Variants in MYO5B observed in about 807,000 individuals in gnomAD.
MYO5B encodes the protein unconventional myosin-Vb.
A neutral mutation model predicts 229.3 loss-of-function variants in MYO5B; 143 were observed. That is an observed-to-expected ratio of 0.62 (90% confidence interval 0.54 to 0.72). The LOEUF (loss-of-function observed/expected upper bound fraction) is 0.72. Among genes scored for constraint, MYO5B ranks in the 30% least tolerant of loss-of-function variants. The probability of loss-of-function intolerance (pLI) is 0.00; values close to 1 mark genes in which losing one functional copy is unlikely to be tolerated. For synonymous variants in MYO5B, 918 were observed against 885.2 expected (o/e 1.04, Z -0.66); for missense variants, 2,321 against 2,331.0 (o/e 1.00, Z 0.09).
intron 4 of MYO5B, among the ~76,000 whole-genome samples, chr18:50,007,657 C>T (rs1192773269): frequency 1.3e-5 from 2 of 152,204 alleles, no homozygotes; most frequent in Non-Finnish European, 2.9e-5. Flanking sequence ...TTTATTCTCT[C>T]CCACGTTGCA....
chr18:49,860,258 G>A (rs897672579), intron 29 of MYO5B, among the ~76,000 whole-genome samples: 6 of 152,168 alleles, frequency 3.9e-5, no homozygotes, highest in South Asian at 2.1e-4. Flanking sequence ...GACTTTAAGT[G>A]CTCACCCCGA....
chr18:49,950,617 C>A (rs16951294), intron 14 of MYO5B, among the ~76,000 whole-genome samples: 1 of 152,074 alleles, frequency 6.6e-6, no homozygotes, highest in Admixed American at 6.5e-5. Flanking sequence ...CAGAGGACTA[C>A]GTGTCTATAA....
intron 32 of MYO5B, among the ~76,000 whole-genome samples, chr18:49,848,163 A>C (rs1400406659): frequency 6.6e-6 from 1 of 152,248 alleles, no homozygotes; most frequent in Non-Finnish European, 1.5e-5. Flanking sequence ...AGTCGAACTA[A>C]GGAGACACAT....
At chr18:49,977,883 A>T (rs181690963) in intron 9 of MYO5B, among the ~76,000 whole-genome samples, 49 of 152,322 alleles carry the variant, frequency 3.2e-4, no homozygotes, top group Admixed American at 3.0e-3. Context: ...GCCCTGAGGC[A>T]GGTGGTTATC....
chr18:49,950,402 A>C (rs889129978), intron 14 of MYO5B, among the ~76,000 whole-genome samples: 5 of 152,190 alleles, frequency 3.3e-5, no homozygotes, highest in African/African-American at 1.2e-4. Context: ...TGATGTGCAT[A>C]CTCTTTGAAC....
chr18:49,900,921 C>A (rs1308780430), intron 21 of MYO5B, among the ~76,000 whole-genome samples: 1 of 152,190 alleles, frequency 6.6e-6, no homozygotes, highest in African/African-American at 2.4e-5. Context: ...GCAATGCCCC[C>A]ATTATGGCTG....
intron 1 of MYO5B, among the ~76,000 whole-genome samples, chr18:50,151,210 A>T (rs1225944939): frequency 1.3e-5 from 2 of 152,200 alleles, no homozygotes; most frequent in Non-Finnish European, 2.9e-5. Flanking sequence ...GTTCTGAAAA[A>T]TACATGTACC....
At chr18:49,854,625 GA>G (rs1393679211) in intron 30 of MYO5B, among the ~76,000 whole-genome samples, 2 of 152,142 alleles carry the variant, frequency 1.3e-5, no homozygotes, top group East Asian at 3.8e-4. Context: ...TGGTTACATG[GA>G]AAAAATCCAC....
intron 3 of MYO5B, among the ~76,000 whole-genome samples, chr18:50,039,052 T>C (rs940483356): frequency 3.3e-5 from 5 of 152,118 alleles, no homozygotes; most frequent in Non-Finnish European, 7.4e-5. Flanking sequence ...AAGTGGAATA[T>C]AAAAGTGAAA....
At position 49,963,018 on chromosome 18, in the gene MYO5B, A is replaced by T; in HGVS notation, c.1335T>A (p.Phe445Leu). 6.2e-7 allele frequency: 1 copy of T among 1,613,920 alleles called. No individual in the cohort carries two copies. The highest frequency in any genetic ancestry group is 8.5e-7 in the Non-Finnish European group (1 of 1,179,778). ...AGAACTGCTCAAAGCTGTTTACCTC[A>T]AATGTCTCAAACCTACAGAATGGAA... ...GVLDIYGFET[F>L]EVNSFEQFCI... The change falls in exon 11 of 40, where the codon TTT (phenylalanine) becomes TTA (leucine). Residue 445 changes from phenylalanine to leucine, a missense_variant. Physicochemically the swap from Phe to Leu is conservative, Grantham distance 22. Around this residue, in one of 2 missense-constraint regions of MYO5B, gnomAD observed 2,113 missense variants for 2,044.7 expected, o/e 1.03. Transcript: ENST00000285039.
chr18:50,084,299 C>G (rs562032759), intron 1 of MYO5B, among the ~76,000 whole-genome samples: 1 of 152,254 alleles, frequency 6.6e-6, no homozygotes, highest in Admixed American at 6.5e-5. Flanking sequence ...TTTTCTAAAA[C>G]TCTGCTTTAA....
At chr18:50,025,287 A>G (rs754313012) in intron 4 of MYO5B, among the ~76,000 whole-genome samples, 1 of 152,200 alleles carries the variant, frequency 6.6e-6, no homozygotes, top group Non-Finnish European at 1.5e-5. Context: ...ATACTAACAT[A>G]GCTGGTCTGA....
chr18:49,945,378 G>T (rs749809843), intron 14 of MYO5B, among the ~76,000 whole-genome samples: 1 of 152,088 alleles, frequency 6.6e-6, no homozygotes, highest in Admixed American at 6.5e-5. Context: ...GGTTAGGCTA[G>T]AATCCTGTCC....
intron 10 of MYO5B, 24 bp downstream of exon 10, chr18:49,974,326 G>A (rs751229570): frequency 6.2e-7 from 1 of 1,614,148 alleles, no homozygotes; most frequent in South Asian, 1.1e-5. Flanking sequence ...GTAGCAGATA[G>A]AGCGAGACAG....
chr18:50,105,235 A>G (rs1275640116), intron 1 of MYO5B, among the ~76,000 whole-genome samples: 1 of 146,474 alleles, frequency 6.8e-6, no homozygotes, highest in Non-Finnish European at 1.5e-5. Flanking sequence ...AAATAAATAA[A>G]TAAATAAATA....
intron 7 of MYO5B, among the ~76,000 whole-genome samples, chr18:49,985,175 C>T (rs985522183): frequency 6.6e-6 from 1 of 152,026 alleles, no homozygotes; most frequent in African/African-American, 2.4e-5. Flanking sequence ...AAAATGTATC[C>T]CCACCCTAGA....
At chr18:50,015,944 G>C (rs2026211035) in intron 4 of MYO5B, among the ~76,000 whole-genome samples, 1 of 152,222 alleles carries the variant, frequency 6.6e-6, no homozygotes, top group African/African-American at 2.4e-5. Flanking sequence ...TGGTCATCTT[G>C]AGCACTATGG....
At chr18:49,869,183 T>C (rs2024430490) in intron 27 of MYO5B, among the ~76,000 whole-genome samples, 1 of 152,198 alleles carries the variant, frequency 6.6e-6, no homozygotes, top group Non-Finnish European at 1.5e-5. Context: ...CTTTGCACAC[T>C]TCAGAGCATT....
intron 1 of MYO5B, among the ~76,000 whole-genome samples, chr18:50,159,831 G>A (rs1015943945): frequency 6.6e-6 from 1 of 152,132 alleles, no homozygotes; most frequent in Non-Finnish European, 1.5e-5. Flanking sequence ...CTGATATCAT[G>A]CTGCACATTC....
Sources: allele counts gnomAD v4.1 joint callset (sites outside exome capture counted in the v4.1 genomes callset), GRCh38; gene constraint gnomAD v4.1.1; regional missense constraint gnomAD v4.1.1; transcripts MANE v1.5; gene names NCBI Gene and HGNC (gene_info 2026-07-23, HGNC 2026-07-21).